Variants in TNS1 observed in about 807,000 individuals in gnomAD.
TNS1 encodes tensin 1.
TNS1 carries 62 observed loss-of-function variants against 168.6 expected under a neutral mutation model. The observed-to-expected ratio is 0.37, with a 90% CI of 0.30 to 0.45. The LOEUF is 0.45. TNS1 is among the 20% of genes least tolerant of loss of function. The pLI is 1.00. For synonymous variants in TNS1, 934 were observed against 933.2 expected (o/e 1.00, Z -0.02); for missense variants, 2,240 against 2,339.4 (o/e 0.96, Z 0.88).
intron 3 of TNS1, among the ~76,000 whole-genome samples, chr2:217,955,901 G>T (rs1012768810): frequency 1.3e-5 from 2 of 152,150 alleles, no homozygotes; most frequent in East Asian, 1.9e-4. Context: ...AGAGACAGGG[G>T]ACTCTCAGCA....
At position 217,891,043 on chromosome 2, in the gene TNS1, G is replaced by A. The variant is rs191273706; in HGVS notation, c.785C>T (p.Ala262Val). 4.2e-5 allele frequency: 68 copies of A among 1,614,112 alleles called. No homozygotes were observed. The highest frequency in any genetic ancestry group is 1.7e-4 in the Middle Eastern group (1 of 6,046). Residue 262 changes from alanine to valine, a missense_variant and splice_region_variant, in exon 12 of 33, where the codon GCG becomes GTG. By Grantham distance (64) the Ala-to-Val change is moderately conservative (BLOSUM62 0). Transcript: ENST00000682258. ...TGCAAACCGGTCCAGAGCCTGGTCC[G>A]CACTGCAGGGAGAGACAGGTGGTCA... The part of the protein sequence containing the change: ...YMHYSNISAS[A>V]DQALDRFAMK...
rs61743889 is a variant in TNS1 at position 217,848,972 on chromosome 2, C to T, written c.1545G>A (p.Ser515=). 4.1e-3 allele frequency: 6,694 copies of T among 1,613,822 alleles called. 230 individuals carry two copies. In the African/African-American group the frequency reaches 0.078, roughly 19 times the overall value. ...GAVNATRPTL[S]ATPNHVEHTL... Reference sequence around the variant, plus strand: ...TGTGTTCCACGTGGTTGGGGGTGGCCGACAGTGTAGGACGTGTGGCATTAA... The same window carrying T: ...TGTGTTCCACGTGGTTGGGGGTGGCTGACAGTGTAGGACGTGTGGCATTAA... The change falls in exon 19 of 33, where the codon TCG becomes TCA. Residue 515 remains serine, a synonymous_variant. Coordinates refer to ENST00000682258, the MANE Select transcript of TNS1 (RefSeq NM_001387777.1).
Position 217,905,646 on chromosome 2 carries a change from C to T in TNS1, c.321+689G>A, listed in dbSNP as rs577690083. On this transcript the variant is annotated intron_variant, in intron 6 of 32. Coordinates refer to ENST00000682258, the MANE Select transcript of TNS1 (RefSeq NM_001387777.1). ...GACGGAGGGGCCAGCACAGGGAGTA[C>T]GGTCAGAGAGGGGCAGGGAAGAAAA... Among the ~76,000 whole-genome samples, 20 of 152,304 alleles carry T rather than the reference C, an allele frequency of 1.3e-4. No homozygotes were observed. In the East Asian group the frequency reaches 1.7e-3, roughly 13 times the overall value.
intron 3 of TNS1, among the ~76,000 whole-genome samples, chr2:217,964,199 C>G (rs955987472): frequency 6.6e-6 from 1 of 152,248 alleles, no homozygotes; most frequent in African/African-American, 2.4e-5. Context: ...CAGAGGGGTG[C>G]TGATCATAAT....
intron 22 of TNS1, chr2:217,830,475 G>GC: frequency 6.7e-7 from 1 of 1,502,122 alleles, no homozygotes; most frequent in Non-Finnish European, 9.1e-7. Flanking sequence ...GAGTTCAGTG[G>GC]CCCCACATGG....
At chr2:217,883,571 C>T (rs1950883841) in intron 16 of TNS1, among the ~76,000 whole-genome samples, 1 of 152,210 alleles carries the variant, frequency 6.6e-6, no homozygotes, top group African/African-American at 2.4e-5. Flanking sequence ...GGCCATGCCT[C>T]TATTTATTGA....
intron 22 of TNS1, among the ~76,000 whole-genome samples, chr2:217,828,967 AATGTTGGAGAC>A (rs775127571): frequency 7.2e-5 from 11 of 152,276 alleles, no homozygotes; most frequent in Non-Finnish European, 1.5e-4. Flanking sequence ...GGACACTGGC[AATGTTGGAGAC>A]ATTTTCGATT....
chr2:217,863,782 G>A (rs1035960349), intron 18 of TNS1, among the ~76,000 whole-genome samples: 5 of 152,156 alleles, frequency 3.3e-5, no homozygotes, highest in African/African-American at 1.2e-4. Flanking sequence ...GTCAGGACAG[G>A]AGAAGGAAGG....
At chr2:217,821,665 A>G (rs1942870231) in intron 23 of TNS1, 75 bp downstream of exon 23, 1 of 1,349,888 alleles carries the variant, frequency 7.4e-7, no homozygotes, top group South Asian at 1.8e-5. Context: ...CAACAGATCC[A>G]GGAGGCCTCA....
chr2:217,877,982 A>G (rs1950338219), intron 18 of TNS1, among the ~76,000 whole-genome samples: 1 of 152,176 alleles, frequency 6.6e-6, no homozygotes, highest in Admixed American at 6.5e-5. Context: ...CCTGAAATAG[A>G]AGAGGTAGGC....
rs762722991 is a variant in TNS1, at chr2:217,848,552, C to A, written c.1965G>T (p.Glu655Asp). Residue 655 changes from glutamate (E) to aspartate (D), a missense_variant, in exon 19 of 33, where the codon GAG becomes GAT. Transcript: ENST00000682258. ...GGGACAGGGCCTCTGGGTAGCCCCC[C>A]TCACTGGTGTTGGTGACCCCGTCCA... Reference protein sequence around the residue: ...SSLDGVTNTSEGGYPEALSPL... With the variant: ...SSLDGVTNTSDGGYPEALSPL... 5 of 1,614,116 alleles carry A rather than the reference C, an allele frequency of 3.1e-6. No homozygotes were observed. The highest frequency in any genetic ancestry group is 1.3e-5 in the African/African-American group (1 of 75,050).
intron 3 of TNS1, among the ~76,000 whole-genome samples, chr2:217,958,103 C>T (rs1314392325): frequency 6.6e-6 from 1 of 151,802 alleles, no homozygotes; most frequent in African/African-American, 2.4e-5. Flanking sequence ...AAACATAGCA[C>T]AATTTTATTT....
chr2:217,985,067 ATTTT>A (rs752091228), intron 2 of TNS1, among the ~76,000 whole-genome samples: 2 of 135,632 alleles, frequency 1.5e-5, no homozygotes, highest in African/African-American at 2.7e-5. Flanking sequence ...CCATTATGAG[ATTTT>A]TTTTTTTTTT....
intron 32 of TNS1, among the ~76,000 whole-genome samples, chr2:217,805,584 AACACACACCACCACACACCACACACACC>A (rs1938692726): frequency 6.0e-4 from 2 of 3,342 alleles, no homozygotes; most frequent in African/African-American, 1.1e-3. Flanking sequence ...CCACACACAC[AACACACACCACCACACACCACACACACC>A]ACACACATAC....
At chr2:218,014,921 A>AAGGCAGGC (rs1175728124), upstream of TNS1, among the ~76,000 whole-genome samples, 34 of 76,304 alleles carry the variant, frequency 4.5e-4, 1 homozygote, top group African/African-American at 1.5e-3. Flanking sequence ...GGAAGGAAGG[A>AAGGCAGGC]AGGCAGGCAG....
intron 6 of TNS1, 168 bp from the exon 7 acceptor site, chr2:217,900,680 G>A: frequency 1.4e-6 from 1 of 709,638 alleles, no homozygotes; most frequent in Non-Finnish European, 2.4e-6. Flanking sequence ...CGAAGCCAAA[G>A]CCATCAACAC....
At chr2:217,858,498 G>C in intron 18 of TNS1, 1 of 972,562 alleles carries the variant, frequency 1.0e-6, no homozygotes. Context: ...TTACCCTCTG[G>C]AGGGAGGGAG....
intron 18 of TNS1, among the ~76,000 whole-genome samples, chr2:217,871,417 C>T (rs1217019427): frequency 6.6e-6 from 1 of 152,148 alleles, no homozygotes; most frequent in Non-Finnish European, 1.5e-5. Flanking sequence ...TCTCAGCACC[C>T]ACATGTAGAA....
chr2:217,835,058 A>T (rs1012814670), intron 21 of TNS1, 33 bp downstream of exon 21: 11 of 1,550,092 alleles, frequency 7.1e-6, no homozygotes, highest in Non-Finnish European at 9.5e-6. Flanking sequence ...TGGAGGGTAC[A>T]CAGGGAAGAC....
Sources: allele counts gnomAD v4.1 joint callset (sites outside exome capture counted in the v4.1 genomes callset), GRCh38; gene constraint gnomAD v4.1.1; transcripts MANE v1.5; gene names NCBI Gene and HGNC (gene_info 2026-07-23, HGNC 2026-07-21).